ERCC8: variants seen among roughly 807,000 people sequenced by gnomAD.
ERCC8 encodes DNA excision repair protein ERCC-8.
Under a neutral mutation model 54.9 loss-of-function variants are expected in ERCC8, and 52 were observed. That is an observed-to-expected ratio of 0.95 (90% CI 0.76 to 1.19). ERCC8 has a LOEUF of 1.19. ERCC8 is among the 50% of genes most tolerant of loss of function. ERCC8 has a pLI of 0.00. For missense variants in ERCC8, 514 were observed against 466.1 expected (o/e 1.10, Z -0.95); for synonymous variants, 146 against 157.2 (o/e 0.93, Z 0.53).
intron 4 of ERCC8, chr5:60,917,657 T>C (rs547716916): frequency 5.7e-4 from 88 of 153,062 alleles, no homozygotes; most frequent in African/African-American, 2.0e-3. Flanking sequence ...CATGTTCAGT[T>C]GGGACCATGT....
intron 9 of ERCC8, among the ~76,000 whole-genome samples, chr5:60,894,362 G>C (rs1479124253): frequency 1.3e-5 from 2 of 152,044 alleles, no homozygotes; most frequent in Non-Finnish European, 1.5e-5. Flanking sequence ...ATTTAGAATG[G>C]GGTAATAACT....
chr5:60,902,711 T>C (rs764314054), intron 6 of ERCC8, among the ~76,000 whole-genome samples: 37 of 152,164 alleles, frequency 2.4e-4, no homozygotes, highest in Non-Finnish European at 4.9e-4. Context: ...GGTATTTTAT[T>C]GTAAAAGAAC....
intron 2 of ERCC8, among the ~76,000 whole-genome samples, chr5:60,926,346 G>A (rs114254462): frequency 2.0e-5 from 3 of 152,200 alleles, no homozygotes; most frequent in Non-Finnish European, 4.4e-5. Context: ...TTTAAATGGT[G>A]TGTGTAATGA....
At position 60,871,193 on chromosome 5, in the gene ERCC8, A is replaced by C. The variant is rs6449508; in HGVS notation, c.*3422T>G. 0.85 allele frequency among the ~76,000 whole-genome samples: 129,694 copies of C among 152,226 alleles called. 55,710 individuals carry two copies. The highest frequency in any genetic ancestry group is 0.96 in the African/African-American group (39,759 of 41,566). On this transcript the variant is annotated 3_prime_UTR_variant, in exon 12 of 12. Coordinates refer to ENST00000676185, the MANE Select transcript of ERCC8 (RefSeq NM_000082.4). ...ACCAAGAAAAATATAGTACAGTTCC[A>C]AGTCTTCACTAATAAACATGTAGCC...
chr5:60,875,904 T>G (rs1747986898), intron 11 of ERCC8, among the ~76,000 whole-genome samples: 1 of 150,532 alleles, frequency 6.6e-6, no homozygotes, highest in Non-Finnish European at 1.5e-5. Flanking sequence ...TTTTTTTTAT[T>G]ATACTGTAAG....
At chr5:60,908,443 C>T (rs1257539411) in intron 4 of ERCC8, among the ~76,000 whole-genome samples, 1 of 151,808 alleles carries the variant, frequency 6.6e-6, no homozygotes, top group Non-Finnish European at 1.5e-5. Context: ...ATCCCTCAAA[C>T]TCAACAAATC....
At chr5:60,896,505 T>C (rs899752847) in intron 9 of ERCC8, among the ~76,000 whole-genome samples, 9 of 152,136 alleles carry the variant, frequency 5.9e-5, no homozygotes, top group African/African-American at 2.2e-4. Flanking sequence ...CGACCGTGCC[T>C]GGCCTGTCAA....
At chr5:60,935,618 T>C (rs1220731020) in intron 1 of ERCC8, among the ~76,000 whole-genome samples, 1 of 152,212 alleles carries the variant, frequency 6.6e-6, no homozygotes, top group Non-Finnish European at 1.5e-5. Context: ...TTGTTTCAGT[T>C]CTCAGGGGGA....
chr5:60,906,275 A>C (rs929204340), intron 4 of ERCC8, among the ~76,000 whole-genome samples: 4 of 151,854 alleles, frequency 2.6e-5, no homozygotes, highest in African/African-American at 4.8e-5. Flanking sequence ...AGCTCAAGCA[A>C]TCCACCCTCC....
chr5:60,909,494 A>ACTCCTCCTCCTCCTGCTC (rs1291099107), intron 4 of ERCC8, among the ~76,000 whole-genome samples: 1 of 151,634 alleles, frequency 6.6e-6, no homozygotes, highest in African/African-American at 2.4e-5. Context: ...AGCAAGGTCA[A>ACTCCTCCTCCTCCTGCTC]CTCCTCCTCC....
At chr5:60,928,422 A>G (rs1683883943) in intron 2 of ERCC8, among the ~76,000 whole-genome samples, 1 of 152,202 alleles carries the variant, frequency 6.6e-6, no homozygotes, top group African/African-American at 2.4e-5. Context: ...TGATAATTCG[A>G]AAGGTTAGGT....
chr5:60,897,040 T>C (rs1478492065), intron 9 of ERCC8, among the ~76,000 whole-genome samples: 2 of 152,164 alleles, frequency 1.3e-5, no homozygotes, highest in African/African-American at 4.8e-5. Context: ...TCATCTGTTA[T>C]TCCCTTCATA....
intron 1 of ERCC8, among the ~76,000 whole-genome samples, chr5:60,936,103 C>G (rs934434988): frequency 8.5e-5 from 13 of 152,184 alleles, no homozygotes; most frequent in African/African-American, 3.1e-4. Context: ...AGGATTGATA[C>G]AAATTCTTCT....
At chr5:60,894,074 T>C (rs1748652346) in intron 9 of ERCC8, among the ~76,000 whole-genome samples, 1 of 149,458 alleles carries the variant, frequency 6.7e-6, no homozygotes, top group Non-Finnish European at 1.5e-5. Flanking sequence ...AAGCTCCGCC[T>C]CCCGGGTTCA....
At chr5:60,882,231 C>T (rs1748257831) in intron 11 of ERCC8, among the ~76,000 whole-genome samples, 1 of 152,152 alleles carries the variant, frequency 6.6e-6, no homozygotes, top group Non-Finnish European at 1.5e-5. Flanking sequence ...TCTTAGAATT[C>T]AATCAATGAA....
intron 11 of ERCC8, among the ~76,000 whole-genome samples, chr5:60,886,195 T>C (rs539378785): frequency 2.6e-4 from 39 of 152,214 alleles, no homozygotes; most frequent in Admixed American, 1.5e-3. Flanking sequence ...AAACAGCCTC[T>C]ATCTTCCTAC....
chr5:60,871,446 A>G lies in ERCC8; in HGVS notation c.*3169T>C, dbSNP rs1353081017. Among the ~76,000 whole-genome samples, 1 of 152,224 alleles carries G rather than the reference A, an allele frequency of 6.6e-6. No individual in the cohort carries two copies. The highest frequency in any genetic ancestry group is 1.5e-5 in the Non-Finnish European group (1 of 68,032). On this transcript the variant is annotated 3_prime_UTR_variant, in exon 12 of 12. Coordinates refer to ENST00000676185, the MANE Select transcript of ERCC8 (RefSeq NM_000082.4). ...ATAGGATTGCAATATGAAAGAACAC[A>G]GTCTAGGTTAATAACTTGGTTTGTG...
At chr5:60,891,951 A>C in intron 9 of ERCC8, 1 of 525,772 alleles carries the variant, frequency 1.9e-6, no homozygotes, top group Non-Finnish European at 3.9e-6. Context: ...CACTGCCATC[A>C]GCATTGCCAG....
intron 3 of ERCC8, chr5:60,918,701 T>C (rs55700838): frequency 4.5e-5 from 16 of 356,370 alleles, no homozygotes; most frequent in African/African-American, 3.4e-4. Flanking sequence ...AAAGAGTGAT[T>C]TGGTCTTACT....
Sources: gnomAD v4.1 joint callset for allele counts (sites outside exome capture counted in the v4.1 genomes callset) on GRCh38, gnomAD v4.1.1 for gene constraint, MANE v1.5 for transcripts, NCBI Gene and HGNC (gene_info 2026-07-23, HGNC 2026-07-21) for gene names.